The following IKBKB-DT variants were observed in gnomAD, a reference collection of about 807,000 sequenced individuals.
IKBKB-DT encodes the protein IKBKB antisense RNA.
intron 2 of IKBKB-DT, among the ~76,000 whole-genome samples, chr8:42,264,083 A>G (rs886924347): frequency 1.3e-5 from 2 of 150,866 alleles, no homozygotes; most frequent in African/African-American, 4.9e-5. Flanking sequence ...AAGCGCTGGG[A>G]TTACAGGTGT....
intron 3 of IKBKB-DT, among the ~76,000 whole-genome samples, chr8:42,246,240 G>A (rs966304239): frequency 6.6e-6 from 1 of 152,012 alleles, no homozygotes; most frequent in African/African-American, 2.4e-5. Flanking sequence ...GTTGTCCAGG[G>A]TGGTCTCAAA....
chr8:42,270,941 C>A, exon 1 of IKBKB-DT: 1 of 181,108 alleles, frequency 5.5e-6, no homozygotes, highest in South Asian at 8.2e-5. Flanking sequence ...TAGGCAAGGG[C>A]AGTTCTAGCC....
intron 3 of IKBKB-DT, among the ~76,000 whole-genome samples, chr8:42,256,066 G>T (rs1807196328): frequency 6.6e-6 from 1 of 151,610 alleles, no homozygotes; most frequent in African/African-American, 2.4e-5. Context: ...TAACTATATA[G>T]TCATGAGTAG....
intron 3 of IKBKB-DT, among the ~76,000 whole-genome samples, chr8:42,240,826 T>C (rs995424327): frequency 2.0e-5 from 3 of 151,498 alleles, no homozygotes; most frequent in Non-Finnish European, 2.9e-5. Context: ...AATACAAACA[T>C]TAGCCAGGCA....
At chr8:42,265,195 TTA>T (rs1807354234) in intron 2 of IKBKB-DT, among the ~76,000 whole-genome samples, 1 of 152,154 alleles carries the variant, frequency 6.6e-6, no homozygotes, top group Non-Finnish European at 1.5e-5. Context: ...TAGGTTCTTG[TTA>T]TGTTTCCCAC....
At chr8:42,256,768 A>C (rs1383849327) in intron 3 of IKBKB-DT, among the ~76,000 whole-genome samples, 2 of 152,066 alleles carry the variant, frequency 1.3e-5, no homozygotes, top group Non-Finnish European at 2.9e-5. Flanking sequence ...TTTCTCCATG[A>C]ATCTCCTTAA....
intron 1 of IKBKB-DT, among the ~76,000 whole-genome samples, chr8:42,267,115 C>T (rs1431909801): frequency 6.6e-6 from 1 of 151,754 alleles, no homozygotes; most frequent in Non-Finnish European, 1.5e-5. Flanking sequence ...CACCATTCTC[C>T]TGCCTCAGCC....
At chr8:42,251,416 T>C (rs935074558) in intron 3 of IKBKB-DT, among the ~76,000 whole-genome samples, 3 of 152,040 alleles carry the variant, frequency 2.0e-5, no homozygotes, top group African/African-American at 4.8e-5. Flanking sequence ...AACAAAGAAG[T>C]TGCTTACGGA....
chr8:42,251,070 C>A (rs1221092904), intron 3 of IKBKB-DT, among the ~76,000 whole-genome samples: 2 of 152,102 alleles, frequency 1.3e-5, no homozygotes, highest in Non-Finnish European at 2.9e-5. Context: ...CGAGACCAGC[C>A]TGGCCAACAT....
chr8:42,239,632 A>ATATATATATATATATATATTTATT (rs1287944961), intron 3 of IKBKB-DT, among the ~76,000 whole-genome samples: 4 of 86,966 alleles, frequency 4.6e-5, no homozygotes, highest in African/African-American at 1.7e-4. Context: ...ATATATATAT[A>ATATATATATATATATATATTTATT]TATTTATTTA....
chr8:42,254,506 A>G (rs28528678), intron 3 of IKBKB-DT, among the ~76,000 whole-genome samples: 3,435 of 144,000 alleles, frequency 0.024, 133 homozygotes, highest in African/African-American at 0.084. Flanking sequence ...GCTGCCAACC[A>G]TCTGGGAAGT....
chr8:42,270,982 CG>C (rs1807608468), exon 1 of IKBKB-DT: 1 of 213,682 alleles, frequency 4.7e-6, no homozygotes, highest in Admixed American at 5.7e-5. Context: ...AGCGGGGGCG[CG>C]GGAAATTCCA....
chr8:42,236,332 T>G (rs1020002753), intron 3 of IKBKB-DT, among the ~76,000 whole-genome samples: 1 of 152,132 alleles, frequency 6.6e-6, no homozygotes, highest in Non-Finnish European at 1.5e-5. Context: ...CCTATGTAAT[T>G]TAACATATCA....
At chr8:42,244,667 A>G (rs1176498435) in intron 3 of IKBKB-DT, among the ~76,000 whole-genome samples, 1 of 152,024 alleles carries the variant, frequency 6.6e-6, no homozygotes, top group African/African-American at 2.4e-5. Flanking sequence ...CAGCCTCCCA[A>G]TTAGAGTTTC....
chr8:42,259,135 C>A (rs1265716756), intron 3 of IKBKB-DT, among the ~76,000 whole-genome samples: 2 of 152,140 alleles, frequency 1.3e-5, no homozygotes, highest in Non-Finnish European at 2.9e-5. Flanking sequence ...AAGCGATTCT[C>A]CTGCCTCAGC....
chr8:42,244,508 G>T (rs141739986), intron 3 of IKBKB-DT, among the ~76,000 whole-genome samples: 10 of 152,196 alleles, frequency 6.6e-5, no homozygotes, highest in African/African-American at 2.4e-4. Context: ...CTTCCTTAAG[G>T]TATTCCTGTG....
At chr8:42,251,828 C>CAAAAAAAAAAAAAAAAAAAAAAAAA (rs59420104) in intron 3 of IKBKB-DT, among the ~76,000 whole-genome samples, 45 of 91,452 alleles carry the variant, frequency 4.9e-4, no homozygotes, top group African/African-American at 1.4e-3. Flanking sequence ...GACTCCATCT[C>CAAAAAAAAAAAAAAAAAAAAAAAAA]AAAAAAAAAA....
chr8:42,270,043 A>G (rs1373592306), intron 1 of IKBKB-DT, among the ~76,000 whole-genome samples: 2 of 152,210 alleles, frequency 1.3e-5, no homozygotes, highest in African/African-American at 4.8e-5. Flanking sequence ...CCCGTGCCTC[A>G]GAGGTAGTCA....
At chr8:42,266,994 T>G (rs1315171177) in intron 1 of IKBKB-DT, among the ~76,000 whole-genome samples, 4 of 127,514 alleles carry the variant, frequency 3.1e-5, no homozygotes, top group East Asian at 2.0e-4. Flanking sequence ...TTTTTGTTTG[T>G]TTTTTTTTTG....
Sources: gnomAD v4.1 joint callset for allele counts (sites outside exome capture counted in the v4.1 genomes callset) on GRCh38, gnomAD v4.1.1 for gene constraint, MANE v1.5 for transcripts, NCBI Gene and HGNC (gene_info 2026-07-23, HGNC 2026-07-21) for gene names.